DNAH9: variants seen among roughly 807,000 people sequenced by gnomAD.
DNAH9 encodes the protein dynein axonemal heavy chain 9, also known as DNAH9 variant protein.
In DNAH9, 345 loss-of-function variants were observed where a neutral mutation model predicts 471.6. The observed-to-expected ratio is 0.73, with a 90% confidence interval of 0.67 to 0.80. DNAH9 has a LOEUF of 0.80. Ranked by LOEUF, DNAH9 falls within the 30% of genes least tolerant of loss-of-function variation. The probability of loss-of-function intolerance (pLI) is 0.00; values close to 1 mark genes in which losing one functional copy is unlikely to be tolerated. For synonymous variants in DNAH9, 2,093 were observed against 2,123.6 expected, an observed-to-expected ratio of 0.99 and a Z score of 0.40; for missense variants, 5,407 against 5,609.2, an observed-to-expected ratio of 0.96 and a Z score of 1.15.
rs899528830 is a variant in DNAH9, at chr17:11,626,827, A to G, written c.1351-2590A>G. Among the ~76,000 whole-genome samples the G allele has an allele frequency of 2.0e-5, 3 of 151,958 alleles. No individual in the cohort carries two copies. The highest frequency in any genetic ancestry group is 2.9e-5 in the Non-Finnish European group (2 of 68,010). On this transcript the variant is annotated intron_variant, in intron 6 of 68. Coordinates refer to ENST00000262442, the MANE Select transcript of DNAH9 (RefSeq NM_001372.4). The surrounding 1 kb of genome is among the most constrained non-coding windows in gnomAD (Gnocchi z 4.3). ...AGATGTCAGGGTTCCTAGCTCCTCTATCACCTTGCTGCTTTTTTTTCTGGA... is the reference window on the plus strand; with the variant it reads ...AGATGTCAGGGTTCCTAGCTCCTCTGTCACCTTGCTGCTTTTTTTTCTGGA...
chr17:11,924,123 C>G (rs1301642035), intron 62 of DNAH9, among the ~76,000 whole-genome samples, 182 bp downstream of exon 62: 1 of 152,172 alleles, frequency 6.6e-6, no homozygotes, highest in Non-Finnish European at 1.5e-5. Context: ...CCCCAGACCA[C>G]GTCCAGGAAC....
chr17:11,749,678 C>G (rs1319063347), intron 32 of DNAH9, among the ~76,000 whole-genome samples: 2 of 151,996 alleles, frequency 1.3e-5, no homozygotes, highest in Non-Finnish European at 2.9e-5. Context: ...ACAGAATCAA[C>G]TTTATTTCCT....
chr17:11,686,445 G>A (rs1277787153), intron 19 of DNAH9, among the ~76,000 whole-genome samples: 1 of 151,978 alleles, frequency 6.6e-6, no homozygotes, highest in African/African-American at 2.4e-5. Flanking sequence ...TTCTTATACT[G>A]TATCATTTCC....
Position 11,880,730 on chromosome 17 carries a change from A to C in DNAH9, c.10602-479A>C, listed in dbSNP as rs190051598. 1.5e-4 allele frequency among the ~76,000 whole-genome samples: 23 copies of C among 152,216 alleles called. No homozygotes were observed. The South Asian group carries it at 2.3e-3, about 15-fold the overall frequency. On this transcript the variant is annotated intron_variant, in intron 54 of 68. Coordinates refer to ENST00000262442, the MANE Select transcript of DNAH9 (RefSeq NM_001372.4). Reference sequence around the variant, plus strand: ...ATCATGAAGGGGTGCTTGACTCAGGAGCCTCACCCACTGCTGGGGCCATCG... The same window carrying C: ...ATCATGAAGGGGTGCTTGACTCAGGCGCCTCACCCACTGCTGGGGCCATCG...
intron 10 of DNAH9, among the ~76,000 whole-genome samples, chr17:11,642,057 G>A (rs1288607431): frequency 1.3e-5 from 2 of 152,114 alleles, no homozygotes; most frequent in Non-Finnish European, 2.9e-5. Flanking sequence ...TGCTCCCAAA[G>A]AGGGAGGCAG....
intron 10 of DNAH9, among the ~76,000 whole-genome samples, chr17:11,641,208 C>T (rs2073264315): frequency 1.3e-5 from 2 of 151,918 alleles, no homozygotes; most frequent in South Asian, 2.1e-4. Flanking sequence ...AGAGGCCAGA[C>T]AAATGGATGG....
Position 11,619,598 on chromosome 17 carries a change from A to T in DNAH9, c.1167A>T (p.Glu389Asp). 1 of 1,614,150 alleles carries T rather than the reference A, an allele frequency of 6.2e-7. No individual in the cohort carries two copies. Among genetic ancestry groups the T allele is most frequent in the Non-Finnish European group, 8.5e-7 (1 of 1,179,976 alleles). The change falls in exon 6 of 69, where the codon GAA becomes GAT. Residue 389 changes from glutamate (E) to aspartate (D), a missense_variant. By Grantham distance (45) the Glu-to-Asp change is conservative. This residue lies in a region of DNAH9 where 767 missense variants were observed against 692.5 expected (regional missense o/e 1.11). Transcript: ENST00000262442. ...PEDLLRSEVE[E>D]SQRKLQVVSD... Reference sequence around the variant, plus strand: ...ACCTGCTGAGAAGTGAGGTAGAAGAAAGTCAGAGAAAACTGCAAGTGGTCT... The same window carrying T: ...ACCTGCTGAGAAGTGAGGTAGAAGATAGTCAGAGAAAACTGCAAGTGGTCT...
intron 41 of DNAH9, among the ~76,000 whole-genome samples, chr17:11,790,569 A>T (rs1437329496): frequency 6.6e-6 from 1 of 152,042 alleles, no homozygotes; most frequent in Non-Finnish European, 1.5e-5. Context: ...TATTTAAGGT[A>T]TATCTCCCAT....
At chr17:11,899,876 C>A (rs751375108) in intron 59 of DNAH9, among the ~76,000 whole-genome samples, 8 of 152,276 alleles carry the variant, frequency 5.3e-5, no homozygotes, top group Middle Eastern at 3.4e-3. Context: ...GTGCCAGGCA[C>A]CCTGCTAGGT....
rs1024113095 is a variant in DNAH9, at chr17:11,793,602, G to C, written c.8161G>C (p.Glu2721Gln). 5 of 1,613,880 alleles carry C rather than the reference G, an allele frequency of 3.1e-6. No individual in the cohort carries two copies. The highest frequency in any genetic ancestry group is 4.2e-6 in the Non-Finnish European group (5 of 1,179,928). The change falls in exon 42 of 69, where the codon GAA (glutamate) becomes CAA (glutamine). Residue 2721 changes from glutamate (E) to glutamine (Q), a missense_variant. By Grantham distance (29) the Glu-to-Gln change is conservative. Transcript: ENST00000262442. ...SNRVYRDKMV[E>Q]EKDFDLFDKI... ...TCGAGTTTATCGGGATAAGATGGTA[G>C]AAGAAAAGGACTTTGATCTTTTTGA...
chr17:11,883,655 C>T lies in DNAH9; in HGVS notation c.10876C>T (p.Arg3626Cys), dbSNP rs564888297. ...LKTLEDSLLSRLSSASGNFLG... is the reference protein window; with the variant it reads ...LKTLEDSLLSCLSSASGNFLG... ...AACGTTGGAAGACAGTCTTCTCTCT[C>T]GCCTCTCCTCCGCCTCTGGGAACTT... The change falls in exon 56 of 69, where the codon CGC becomes TGC. Residue 3626 changes from arginine to cysteine, a missense_variant. Transcript: ENST00000262442. The T allele has an allele frequency of 1.1e-5, 18 of 1,613,970 alleles. No individual in the cohort carries two copies. The highest frequency in any genetic ancestry group is 3.3e-4 in the Middle Eastern group (2 of 6,084).
At chr17:11,936,687 G>A (rs185736461) in intron 65 of DNAH9, among the ~76,000 whole-genome samples, 93 of 152,244 alleles carry the variant, frequency 6.1e-4, no homozygotes, top group African/African-American at 2.0e-3. Flanking sequence ...AGCCTTAGCC[G>A]CTGGTTAGGA....
intron 43 of DNAH9, 138 bp downstream of exon 43, chr17:11,797,931 C>G (rs1969306443): frequency 1.2e-6 from 1 of 839,644 alleles, no homozygotes; most frequent in South Asian, 1.8e-5. Flanking sequence ...AAGATGGCTG[C>G]TGGCAGAGCA....
intron 3 of DNAH9, among the ~76,000 whole-genome samples, chr17:11,611,095 AT>A (rs2072626049): frequency 6.6e-6 from 1 of 151,588 alleles, no homozygotes; most frequent in Admixed American, 6.6e-5. Flanking sequence ...CCTCCTCCCC[AT>A]TTCCTCACTC....
chr17:11,834,229 TGAGACAG>T (rs1970764293), intron 48 of DNAH9, among the ~76,000 whole-genome samples: 1 of 144,382 alleles, frequency 6.9e-6, no homozygotes, highest in Admixed American at 7.4e-5. Context: ...CCTGAGAGGC[TGAGACAG>T]GAGAATCTCT....
intron 36 of DNAH9, among the ~76,000 whole-genome samples, chr17:11,766,937 C>T (rs1463272817): frequency 1.3e-5 from 2 of 150,318 alleles, no homozygotes; most frequent in Non-Finnish European, 2.9e-5. Flanking sequence ...CCACTGCCCT[C>T]CAGCCTGGGC....
intron 55 of DNAH9, among the ~76,000 whole-genome samples, chr17:11,881,678 G>T (rs117768459): frequency 0.041 from 6,196 of 152,230 alleles, 338 homozygotes; most frequent in East Asian, 0.12. Context: ...GGAGGCCAAG[G>T]TGGGCGGATC....
chr17:11,629,864 G>A (rs992594047), intron 7 of DNAH9, among the ~76,000 whole-genome samples: 2 of 152,188 alleles, frequency 1.3e-5, no homozygotes, highest in African/African-American at 2.4e-5. Flanking sequence ...ATGCTGAGGT[G>A]GGTATGACAT....
rs749594631 is a variant in DNAH9 at position 11,757,657 on chromosome 17, G to T, written c.6960G>T (p.Lys2320Asn). ...ERANLTILFD[K>N]YLPTCLDTLR... The stretch of plus-strand genomic sequence containing the variant: ...CCAACTTAACCATTTTGTTCGACAA[G>T]TATCTTCCAACCTGCCTAGACACAC... Residue 2320 changes from lysine to asparagine, a missense_variant, in exon 35 of 69, where the codon AAG becomes AAT. Lys to Asn is a moderately conservative substitution (Grantham distance 94, BLOSUM62 0). Around this residue, in one of 3 missense-constraint regions of DNAH9, gnomAD observed 4,636 missense variants for 4,900.3 expected, o/e 0.95. Coordinates refer to ENST00000262442, the MANE Select transcript of DNAH9 (RefSeq NM_001372.4). 3 of 1,614,002 alleles carry T rather than the reference G, an allele frequency of 1.9e-6. No individual in the cohort carries two copies. The African/African-American group carries it at 4.0e-5, about 22-fold the overall frequency.
Sources: allele counts gnomAD v4.1 joint callset (sites outside exome capture counted in the v4.1 genomes callset), GRCh38; gene constraint gnomAD v4.1.1; regional missense constraint gnomAD v4.1.1; non-coding constraint Gnocchi (gnomAD v3.1); transcripts MANE v1.5; gene names NCBI Gene and HGNC (gene_info 2026-07-23, HGNC 2026-07-21).